The following ARHGAP10 variants were observed in gnomAD, a reference collection of about 807,000 sequenced individuals.
ARHGAP10 encodes the protein rho GTPase-activating protein 10.
Under a neutral mutation model 108.6 loss-of-function variants are expected in ARHGAP10, and 87 were observed. The ratio of observed to expected loss-of-function variants is 0.80; its 90% confidence interval spans 0.67 to 0.96. The LOEUF is 0.96. ARHGAP10 is among the 40% of genes least tolerant of loss of function. The probability of loss-of-function intolerance (pLI) is 0.00; values close to 1 mark genes in which losing one functional copy is unlikely to be tolerated. For synonymous variants in ARHGAP10, 347 were observed against 341.1 expected (o/e 1.02, Z -0.19); for missense variants, 939 against 954.5 (o/e 0.98, Z 0.21).
intron 18 of ARHGAP10, among the ~76,000 whole-genome samples, chr4:148,006,144 GGAA>G (rs1290933169): frequency 5.3e-5 from 8 of 152,176 alleles, no homozygotes; most frequent in Non-Finnish European, 1.0e-4. Flanking sequence ...CTTTTCTGGA[GGAA>G]GCCAGCTGCC....
At chr4:147,936,490 G>A (rs941021328) in intron 13 of ARHGAP10, among the ~76,000 whole-genome samples, 22 of 151,448 alleles carry the variant, frequency 1.5e-4, no homozygotes, top group African/African-American at 4.9e-4. Context: ...CACCGTGCCC[G>A]GCTAATTTTT....
chr4:147,848,306 T>C (rs1353148102), intron 4 of ARHGAP10, among the ~76,000 whole-genome samples: 1 of 152,234 alleles, frequency 6.6e-6, no homozygotes, highest in Non-Finnish European at 1.5e-5. Context: ...GGGCTACGAA[T>C]TGAGGCTCAG....
chr4:148,022,336 G>A (rs1741600532), intron 18 of ARHGAP10, among the ~76,000 whole-genome samples: 1 of 152,164 alleles, frequency 6.6e-6, no homozygotes, highest in Admixed American at 6.5e-5. Context: ...GTTTAAAGCT[G>A]GCTGGCTTTC....
intron 3 of ARHGAP10, among the ~76,000 whole-genome samples, chr4:147,834,308 G>C (rs1427333211): frequency 1.3e-5 from 2 of 151,838 alleles, no homozygotes; most frequent in African/African-American, 4.8e-5. Flanking sequence ...ATTTCTGCAG[G>C]GGCAGGGGGA....
rs1728246350 is a variant in ARHGAP10 at position 147,732,322 on chromosome 4, G to A, written c.21G>A (p.Glu7=). The A allele has an allele frequency of 1.1e-5, 17 of 1,612,646 alleles. No homozygotes were observed. Among genetic ancestry groups the A allele is most frequent in the Non-Finnish European group, 1.4e-5 (16 of 1,179,378 alleles). ...CCGTCATGGGGCTGCAGCCCCTGGA[G>A]TTCAGCGACTGCTACCTCGACAGCC... is the stretch of plus-strand genomic sequence containing the variant. MGLQPL[E]FSDCYLDSPW... The change falls in exon 1 of 23, where the codon GAG becomes GAA. Residue 7 remains glutamate (E), a synonymous_variant. Coordinates refer to ENST00000336498, the MANE Select transcript of ARHGAP10 (RefSeq NM_024605.4).
At chr4:148,029,819 A>G (rs1329972960) in intron 19 of ARHGAP10, among the ~76,000 whole-genome samples, 2 of 152,290 alleles carry the variant, frequency 1.3e-5, no homozygotes, top group East Asian at 3.9e-4. Context: ...TGAATGTGTG[A>G]CAGTATATGT....
rs762494538 is a variant in ARHGAP10 at position 147,879,334 on chromosome 4, A to G, written c.935A>G (p.Lys312Arg). Residue 312 changes from lysine (K) to arginine (R), a missense_variant, in exon 9 of 23, where the codon AAA becomes AGA. Lys to Arg is a conservative substitution (Grantham distance 26, BLOSUM62 2). Coordinates refer to ENST00000336498, the MANE Select transcript of ARHGAP10 (RefSeq NM_024605.4). ...CCATTTGAGCACAGATCTGGAGGGA[A>G]ACTTGTAAGTATTTGATTCAACATA... ...MIPFEHRSGG[K>R]LGDGEVFFLK... 5 of 1,612,516 alleles carry G rather than the reference A, an allele frequency of 3.1e-6. No individual in the cohort carries two copies. Among genetic ancestry groups the G allele is most frequent in the Admixed American group, 1.7e-5 (1 of 59,808 alleles).
intron 1 of ARHGAP10, among the ~76,000 whole-genome samples, chr4:147,763,225 T>C (rs1231900261): frequency 6.6e-6 from 1 of 152,186 alleles, no homozygotes; most frequent in African/African-American, 2.4e-5. Flanking sequence ...TCTGTAAGTT[T>C]AGCTATTGTT....
intron 18 of ARHGAP10, among the ~76,000 whole-genome samples, chr4:148,000,744 C>T (rs1291938629): frequency 2.0e-5 from 3 of 152,142 alleles, no homozygotes; most frequent in Non-Finnish European, 4.4e-5. Flanking sequence ...AGTGTCTGTT[C>T]GTATCCTTCG....
chr4:147,778,596 C>T (rs957597264), intron 1 of ARHGAP10, among the ~76,000 whole-genome samples: 4 of 152,154 alleles, frequency 2.6e-5, no homozygotes, highest in African/African-American at 9.7e-5. Flanking sequence ...TGCACGTGTT[C>T]TCTCCCTCAT....
Position 148,071,572 on chromosome 4 carries a change from C to T in ARHGAP10, c.2273-421C>T, listed in dbSNP as rs183752095. 6.9e-4 allele frequency among the ~76,000 whole-genome samples: 105 copies of T among 152,162 alleles called. 1 individual carries two copies. The highest frequency in any genetic ancestry group is 1.2e-3 in the Non-Finnish European group (79 of 67,986). Reference sequence around the variant, plus strand: ...CAGAGATTGCAGTGAGCCGAGATCGCGCCACCGCACTCCAGCCTGGGCGAC... The same window carrying T: ...CAGAGATTGCAGTGAGCCGAGATCGTGCCACCGCACTCCAGCCTGGGCGAC... On this transcript the variant is annotated intron_variant, in intron 22 of 22. Coordinates refer to ENST00000336498, the MANE Select transcript of ARHGAP10 (RefSeq NM_024605.4).
At chr4:147,954,194 T>G (rs535981953) in intron 15 of ARHGAP10, among the ~76,000 whole-genome samples, 1 of 152,124 alleles carries the variant, frequency 6.6e-6, no homozygotes, top group East Asian at 1.9e-4. Flanking sequence ...GTCATTTAGG[T>G]GAAGGACATG....
chr4:147,788,575 G>T (rs1253840043), intron 1 of ARHGAP10, among the ~76,000 whole-genome samples: 2 of 152,190 alleles, frequency 1.3e-5, no homozygotes, highest in Non-Finnish European at 2.9e-5. Flanking sequence ...CAGCACATGG[G>T]GCTGGGAAGG....
At chr4:148,043,751 T>C (rs1226214805) in intron 19 of ARHGAP10, among the ~76,000 whole-genome samples, 1 of 144,818 alleles carries the variant, frequency 6.9e-6, no homozygotes, top group Non-Finnish European at 1.5e-5. Context: ...TATATGTATA[T>C]ATGTATATAT....
intron 14 of ARHGAP10, among the ~76,000 whole-genome samples, chr4:147,942,615 T>G (rs189082268): frequency 2.6e-5 from 4 of 152,234 alleles, no homozygotes; most frequent in African/African-American, 9.6e-5. Context: ...GTTCCCTCCT[T>G]ATCCTCTTTA....
chr4:148,009,525 G>A (rs1019429031), intron 18 of ARHGAP10, among the ~76,000 whole-genome samples: 1 of 152,194 alleles, frequency 6.6e-6, no homozygotes, highest in African/African-American at 2.4e-5. Context: ...TTATGTGCAA[G>A]GATATAATGT....
intron 3 of ARHGAP10, among the ~76,000 whole-genome samples, chr4:147,843,578 G>A (rs1198010216): frequency 6.6e-6 from 1 of 152,076 alleles, no homozygotes; most frequent in Non-Finnish European, 1.5e-5. Context: ...CCAGGCTGGA[G>A]TGCAGTGGCA....
chr4:147,826,174 C>T (rs1406269179), intron 3 of ARHGAP10, among the ~76,000 whole-genome samples: 1 of 152,110 alleles, frequency 6.6e-6, no homozygotes, highest in Admixed American at 6.6e-5. Flanking sequence ...TAGCGTGTGA[C>T]CATTGTTAGG....
rs534059175 is a variant in ARHGAP10, at chr4:148,070,245, G to T, written c.2273-1748G>T. Among the ~76,000 whole-genome samples, 306 of 152,308 alleles carry T rather than the reference G, an allele frequency of 2.0e-3. 2 individuals are homozygous for T. Among genetic ancestry groups the T allele is most frequent in the African/African-American group, 7.0e-3 (289 of 41,560 alleles). On this transcript the variant is annotated intron_variant, in intron 22 of 22. Transcript: ENST00000336498. ...GAGCCCCGACCTGGTCTGGAGCCAG[G>T]AGAGGAGTCCTGGAAGTGGGGGGAT...
Sources: allele counts gnomAD v4.1 joint callset (sites outside exome capture counted in the v4.1 genomes callset), GRCh38; gene constraint gnomAD v4.1.1; transcripts MANE v1.5; gene names NCBI Gene and HGNC (gene_info 2026-07-23, HGNC 2026-07-21).